Variants in ESPN observed in about 807,000 individuals in gnomAD.
ESPN encodes the protein espin.
Under a neutral mutation model 77.7 loss-of-function variants are expected in ESPN, and 68 were observed. The ratio of observed to expected loss-of-function variants is 0.87; its 90% CI spans 0.72 to 1.07. ESPN has a LOEUF of 1.07. ESPN is among the 50% of genes least tolerant of loss of function. ESPN has a pLI of 0.00. For missense variants in ESPN, 1,060 were observed against 1,239.0 expected (o/e 0.86, Z 2.17); for synonymous variants, 449 against 567.1 (o/e 0.79, Z 2.96).
chr1:6,441,521 C>T (rs1163836634), intron 5 of ESPN, among the ~76,000 whole-genome samples: 1 of 152,226 alleles, frequency 6.6e-6, no homozygotes, highest in African/African-American at 2.4e-5. Flanking sequence ...AGGCACCTCT[C>T]AGCCCCTGCA....
rs121908135 is a variant in ESPN, at chr1:6,452,001, G to A, written c.2230G>A (p.Asp744Asn). 382 of 1,605,250 alleles carry A rather than the reference G, an allele frequency of 2.4e-4. 1 individual carries two copies. The highest frequency in any genetic ancestry group is 3.1e-4 in the Non-Finnish European group (363 of 1,175,758). ...LDVEALIPTH[D>N]EQGRPIPEWK... ...CGTGGAGGCTCTCATCCCCACGCAC[G>A]ATGAGCAGGGCCGGCCCATCCCCGA... Residue 744 changes from aspartate to asparagine, a missense_variant, in exon 10 of 13, where the codon GAT becomes AAT. By Grantham distance (23) the Asp-to-Asn change is conservative. This residue lies in a region of ESPN where 374 missense variants were observed against 381.4 expected (regional missense o/e 0.98). Transcript: ENST00000645284.
chr1:6,441,439 G>A (rs1296225033), intron 5 of ESPN, among the ~76,000 whole-genome samples: 1 of 152,180 alleles, frequency 6.6e-6, no homozygotes, highest in Non-Finnish European at 1.5e-5. Flanking sequence ...GATAAAGTGA[G>A]TCTGCGGGGC....
At chr1:6,449,863 C>T (rs1372772083) in intron 8 of ESPN, among the ~76,000 whole-genome samples, 1 of 152,164 alleles carries the variant, frequency 6.6e-6, no homozygotes, top group Non-Finnish European at 1.5e-5. Context: ...GTGCTCCCAT[C>T]CCAGCCTGGC....
chr1:6,439,382 T>C (rs1393450382), intron 2 of ESPN, among the ~76,000 whole-genome samples: 2 of 152,236 alleles, frequency 1.3e-5, no homozygotes, highest in Non-Finnish European at 2.9e-5. Context: ...AACTGCCTTT[T>C]GTCTGGCAAC....
chr1:6,452,690 A>G (rs1296298152), intron 10 of ESPN, among the ~76,000 whole-genome samples: 1 of 152,102 alleles, frequency 6.6e-6, no homozygotes, highest in Non-Finnish European at 1.5e-5. Context: ...CTGCTGGTCC[A>G]AGGACCACAC....
At chr1:6,453,595 C>T (rs371940671) in intron 10 of ESPN, among the ~76,000 whole-genome samples, 233 of 152,172 alleles carry the variant, frequency 1.5e-3, no homozygotes, top group African/African-American at 5.2e-3. Context: ...GGAAGGGGGT[C>T]GCTGAGCTGG....
chr1:6,447,729 G>T lies in ESPN; in HGVS notation c.1465-912G>T, dbSNP rs2148531428. 6.6e-6 allele frequency among the ~76,000 whole-genome samples: 1 copy of T among 152,274 alleles called. No individual in the cohort carries two copies. The highest frequency in any genetic ancestry group is 2.4e-5 in the African/African-American group (1 of 41,558). On this transcript the variant is annotated intron_variant, in intron 7 of 12. Transcript: ENST00000645284. The surrounding 1 kb of genome is among the most constrained non-coding windows in gnomAD (Gnocchi z 5.2). The stretch of plus-strand genomic sequence containing the variant: ...TGGTTTCCAGATGCAGGAGGGGAAG[G>T]GTGGGGACGCGACCCGGAGCCGGGG...
rs1290936138 is a variant in ESPN at position 6,451,378 on chromosome 1, GGGTGGGGAAGAT to G, written c.1916-217_1916-206del. The G allele has an allele frequency of 1.9e-5, 12 of 617,654 alleles. No homozygotes were observed. The highest frequency in any genetic ancestry group is 3.7e-5 in the African/African-American group (2 of 54,294). The allele number at this position is 617,654 out of a possible 1,614,324, so 38.3% of individuals were successfully genotyped here. A position where few individuals can be genotyped will look rare whatever the true frequency, so the allele number is the denominator to read the frequency against. On this transcript the variant is annotated intron_variant, in intron 8 of 12. Transcript: ENST00000645284. The surrounding 1 kb of genome is among the most constrained non-coding windows in gnomAD (Gnocchi z 4.3). The stretch of plus-strand genomic sequence containing the variant: ...GCAGGGGCCCTCCATCCCGTGAGTA[GGGTGGGGAAGAT>G]GGTGGGGTTGCCACAGTCAGGGAAC...
intron 10 of ESPN, chr1:6,455,509 T>A (rs930995992): frequency 2.5e-6 from 1 of 397,870 alleles, no homozygotes; most frequent in Admixed American, 4.4e-5. Flanking sequence ...GGCAAGCTGC[T>A]GGGCCACTGG....
At chr1:6,456,363 T>A (rs1644058086) in intron 10 of ESPN, 2 of 382,856 alleles carry the variant, frequency 5.2e-6, no homozygotes, top group Middle Eastern at 6.7e-4. Context: ...TGAGGTCCCA[T>A]CGTGGCGGGC....
chr1:6,452,897 A>ATTTTTAT (rs1553169574), intron 10 of ESPN, among the ~76,000 whole-genome samples: 37 of 138,724 alleles, frequency 2.7e-4, no homozygotes, highest in African/African-American at 1.2e-3. Flanking sequence ...ATTTATTTTT[A>ATTTTTAT]TTTTTTATTT....
intron 10 of ESPN, among the ~76,000 whole-genome samples, chr1:6,453,422 C>G (rs971905904): frequency 6.6e-6 from 1 of 152,260 alleles, no homozygotes; most frequent in Non-Finnish European, 1.5e-5. Context: ...AACCGGCCAC[C>G]TTATACGTGG....
At chr1:6,455,125 C>T (rs1379800845) in intron 10 of ESPN, 7 of 387,258 alleles carry the variant, frequency 1.8e-5, no homozygotes, top group East Asian at 1.1e-4. Context: ...GCCCACGGCC[C>T]GCTGGTCGAC....
rs376889032 is a variant in ESPN at position 6,445,665 on chromosome 1, G to A, written c.1194G>A (p.Gly398=). Residue 398 remains glycine (G), a splice_region_variant and synonymous_variant, in exon 7 of 13, where the codon GGG becomes GGA. Coordinates refer to ENST00000645284, the MANE Select transcript of ESPN (RefSeq NM_031475.3). ...SSIKGQHPPC[G]LSSARAADIQ... ...TGGCCCTTCCTTCTGCCTCCCCAGG[G>A]CTTTCCAGCGCTAGAGCTGCAGACA... 6.5e-5 allele frequency: 105 copies of A among 1,612,146 alleles called. No homozygotes were observed. Among genetic ancestry groups the A allele is most frequent in the Non-Finnish European group, 8.1e-5 (96 of 1,179,722 alleles).
rs780230902 is a variant in ESPN at position 6,451,623 on chromosome 1, A to G, written c.1936A>G (p.Met646Val). The change falls in exon 9 of 13, where the codon ATG becomes GTG. Residue 646 changes from methionine to valine, a missense_variant. Physicochemically the swap from Met to Val is conservative, Grantham distance 21. Coordinates refer to ENST00000645284, the MANE Select transcript of ESPN (RefSeq NM_031475.3). The surrounding 1 kb of genome is among the most constrained non-coding windows in gnomAD (Gnocchi z 4.3). The stretch of plus-strand genomic sequence containing the variant: ...CATAGGCACCAAGTCTTTCAACATG[A>G]TGTCCCCGACGGGCGACAACTCGGA... ...STGSTKSFNM[M>V]SPTGDNSELL... 3 of 1,612,958 alleles carry G rather than the reference A, an allele frequency of 1.9e-6. No homozygotes were observed. The African/African-American group carries it at 4.0e-5, about 22-fold the overall frequency.
rs1055197012 is a variant in ESPN at position 6,448,873 on chromosome 1, G to GC, written c.1701dup (p.Ser568LeufsTer16). On this transcript the variant is annotated frameshift_variant, in exon 8 of 13. Coordinates refer to ENST00000645284, the MANE Select transcript of ESPN (RefSeq NM_031475.3). LOFTEE classifies it high-confidence loss of function. ...CCTGCCGCCCGCGGCTCACTCGAAG[G>GC]CCCCTCCGCTCCCCCGCAGGCGGCG... 1.5e-5 allele frequency: 20 copies of GC among 1,303,260 alleles called. No individual in the cohort carries two copies. The highest frequency in any genetic ancestry group is 1.8e-5 in the Non-Finnish European group (19 of 1,032,044). 80.7% of individuals were successfully genotyped at this position (1,303,260 alleles called of 1,614,324 possible).
chr1:6,427,652 C>T lies in ESPN; in HGVS notation c.295-574C>T, dbSNP rs1014914171. ...CTGGCGAGTCTGCTGGGGGAGGGGC[C>T]GGTTTTCTGCACTGAGGTTGGGTTC... On this transcript the variant is annotated intron_variant, in intron 1 of 12. Coordinates refer to ENST00000645284, the MANE Select transcript of ESPN (RefSeq NM_031475.3). The surrounding 1 kb of genome is among the most constrained non-coding windows in gnomAD (Gnocchi z 4.6). 9.2e-5 allele frequency among the ~76,000 whole-genome samples: 14 copies of T among 152,182 alleles called. No homozygotes were observed. The highest frequency in any genetic ancestry group is 1.9e-4 in the African/African-American group (8 of 41,438).
intron 1 of ESPN, among the ~76,000 whole-genome samples, chr1:6,425,624 G>A (rs1279083573): frequency 3.9e-5 from 6 of 152,274 alleles, no homozygotes; most frequent in East Asian, 1.9e-4. Context: ...CTCCAGGACC[G>A]GATCTGAAAG....
At chr1:6,442,607 C>T (rs1439736997) in intron 5 of ESPN, among the ~76,000 whole-genome samples, 4 of 140,254 alleles carry the variant, frequency 2.9e-5, no homozygotes, top group South Asian at 2.3e-4. Context: ...CGGTGGCTCA[C>T]GCCTGTAATC....
Sources: gnomAD v4.1 joint callset for allele counts (sites outside exome capture counted in the v4.1 genomes callset) on GRCh38, gnomAD v4.1.1 for gene constraint, gnomAD v4.1.1 regional missense constraint, Gnocchi (gnomAD v3.1) non-coding constraint, MANE v1.5 for transcripts, NCBI Gene and HGNC (gene_info 2026-07-23, HGNC 2026-07-21) for gene names.